The following IRF2 variants were observed in gnomAD, a reference collection of about 807,000 sequenced individuals.
IRF2 encodes interferon regulatory factor 2.
A neutral mutation model predicts 40.6 loss-of-function variants in IRF2; 15 were observed. The ratio of observed to expected loss-of-function variants is 0.37; its 90% CI spans 0.25 to 0.57. The LOEUF (loss-of-function observed/expected upper bound fraction) is 0.57, where lower values mean the gene tolerates loss of function less well. Among genes scored for constraint, IRF2 ranks in the 20% least tolerant of loss-of-function variants. The pLI, the probability that IRF2 is intolerant of heterozygous loss-of-function variation, is 0.77. For missense variants in IRF2, 317 were observed against 455.7 expected, an observed-to-expected ratio of 0.70 and a Z score of 2.77; for synonymous variants, 151 against 165.5, an observed-to-expected ratio of 0.91 and a Z score of 0.67.
At chr4:184,399,102 A>T in intron 6 of IRF2, 23 bp from the exon 7 acceptor site, 1 of 1,566,232 alleles carries the variant, frequency 6.4e-7, no homozygotes, top group Non-Finnish European at 8.6e-7. Context: ...GACAGCCATC[A>T]TGCAAAGTCT....
chr4:184,389,129 T>G, intron 8 of IRF2, 63 bp from the exon 9 acceptor site: 1 of 1,516,712 alleles, frequency 6.6e-7, no homozygotes, highest in Non-Finnish European at 9.1e-7. Flanking sequence ...TTTTTAAAAA[T>G]GCATCACTGG....
chr4:184,458,958 T>G (rs905398528), intron 1 of IRF2, among the ~76,000 whole-genome samples: 5 of 152,026 alleles, frequency 3.3e-5, no homozygotes, highest in Non-Finnish European at 7.3e-5. Flanking sequence ...GATCTGTTAT[T>G]ACGGCAATAT....
At chr4:184,447,866 G>A (rs1011707873) in intron 1 of IRF2, among the ~76,000 whole-genome samples, 4 of 152,208 alleles carry the variant, frequency 2.6e-5, no homozygotes, top group Admixed American at 6.5e-5. Context: ...TCAACACCTA[G>A]CCCTGCATCA....
At chr4:184,453,063 T>C (rs987401028) in intron 1 of IRF2, among the ~76,000 whole-genome samples, 1 of 152,146 alleles carries the variant, frequency 6.6e-6, no homozygotes, top group Non-Finnish European at 1.5e-5. Context: ...TACAATGATC[T>C]TGAAATCTGA....
At chr4:184,434,735 C>T (rs369578165) in intron 1 of IRF2, among the ~76,000 whole-genome samples, 31 of 151,928 alleles carry the variant, frequency 2.0e-4, no homozygotes, top group African/African-American at 7.5e-4. Flanking sequence ...TCGTAAGTCA[C>T]GAATGATCCC....
intron 2 of IRF2, 23 bp downstream of exon 2, chr4:184,428,953 CAT>C: frequency 6.3e-7 from 1 of 1,593,822 alleles, no homozygotes; most frequent in Non-Finnish European, 8.6e-7. Context: ...CTCTCTCACA[CAT>C]ACACCCACCC....
chr4:184,392,231 G>A (rs1736284294), intron 7 of IRF2, among the ~76,000 whole-genome samples: 1 of 152,144 alleles, frequency 6.6e-6, no homozygotes, highest in Admixed American at 6.5e-5. Context: ...TTACAGACAA[G>A]GCCTAAAGAG....
chr4:184,393,106 A>T (rs1283414424), intron 7 of IRF2, among the ~76,000 whole-genome samples: 1 of 152,210 alleles, frequency 6.6e-6, no homozygotes, highest in Non-Finnish European at 1.5e-5. Context: ...GGAGGCAGGA[A>T]TCGGAACAGC....
chr4:184,456,704 T>C (rs901501601), intron 1 of IRF2, among the ~76,000 whole-genome samples: 2 of 152,234 alleles, frequency 1.3e-5, no homozygotes, highest in South Asian at 2.1e-4. Flanking sequence ...CCTCTGTGTC[T>C]GGACAGCAAA....
chr4:184,450,721 T>C (rs1738684205), intron 1 of IRF2, among the ~76,000 whole-genome samples: 1 of 152,156 alleles, frequency 6.6e-6, no homozygotes, highest in Non-Finnish European at 1.5e-5. Context: ...CTCCCTAAGG[T>C]TCCTTTATGA....
At chr4:184,431,459 GCA>G (rs947275621) in intron 1 of IRF2, among the ~76,000 whole-genome samples, 21 of 152,182 alleles carry the variant, frequency 1.4e-4, no homozygotes, top group Admixed American at 1.3e-4. Flanking sequence ...GAAAAGCTGT[GCA>G]CAGAGGAGTG....
intron 1 of IRF2, among the ~76,000 whole-genome samples, chr4:184,471,183 T>C (rs1739500858): frequency 6.6e-6 from 1 of 152,234 alleles, no homozygotes; most frequent in Admixed American, 6.5e-5. Context: ...TGCCATAATT[T>C]ATGCAATGTT....
intron 6 of IRF2, among the ~76,000 whole-genome samples, chr4:184,404,995 C>T (rs1247190458): frequency 1.3e-5 from 2 of 152,324 alleles, no homozygotes; most frequent in Non-Finnish European, 2.9e-5. Context: ...GTAATCCCAG[C>T]ACTTTGGGAG....
chr4:184,401,354 A>C (rs1334139801), intron 6 of IRF2, among the ~76,000 whole-genome samples: 4 of 152,234 alleles, frequency 2.6e-5, no homozygotes, highest in African/African-American at 9.6e-5. Context: ...TAAAGAAAGG[A>C]AAGGCACAAA....
intron 7 of IRF2, among the ~76,000 whole-genome samples, chr4:184,394,127 A>G (rs901648755): frequency 2.6e-5 from 4 of 152,230 alleles, no homozygotes; most frequent in Non-Finnish European, 4.4e-5. Context: ...ACAAATGAAG[A>G]AGCTGAAGGT....
intron 1 of IRF2, among the ~76,000 whole-genome samples, chr4:184,434,744 C>G (rs1478445944): frequency 6.6e-6 from 1 of 151,542 alleles, no homozygotes; most frequent in African/African-American, 2.4e-5. Context: ...ACGAATGATC[C>G]CCCATGAAGT....
Position 184,408,668 on chromosome 4 carries a change from G to C in IRF2, c.412-393C>G, listed in dbSNP as rs1736954703. 6.6e-6 allele frequency among the ~76,000 whole-genome samples: 1 copy of C among 152,230 alleles called. No homozygotes were observed. The highest frequency in any genetic ancestry group is 1.5e-5 in the Non-Finnish European group (1 of 68,038). ...AAGAATCAATGCCTGGCTTTCACCA[G>C]GGAGGAATCATGCTACCTCTTTCAT... On this transcript the variant is annotated intron_variant, in intron 5 of 8. Transcript: ENST00000393593. This position sits in a 1 kb window ranked among gnomAD's most constrained non-coding sequence, Gnocchi z 4.9.
chr4:184,400,737 GTTTA>G (rs892032277), intron 6 of IRF2, among the ~76,000 whole-genome samples: 9 of 152,148 alleles, frequency 5.9e-5, no homozygotes, highest in African/African-American at 9.7e-5. Flanking sequence ...TGTCATCACT[GTTTA>G]TTTATTTTGG....
intron 6 of IRF2, among the ~76,000 whole-genome samples, chr4:184,399,448 C>T (rs899223903): frequency 5.3e-5 from 8 of 152,222 alleles, no homozygotes; most frequent in Admixed American, 3.9e-4. Context: ...TGAACCTGAC[C>T]GATTTCTGCT....
Sources: gnomAD v4.1 joint callset for allele counts (sites outside exome capture counted in the v4.1 genomes callset) on GRCh38, gnomAD v4.1.1 for gene constraint, Gnocchi (gnomAD v3.1) non-coding constraint, MANE v1.5 for transcripts, NCBI Gene and HGNC (gene_info 2026-07-23, HGNC 2026-07-21) for gene names.